The following FSTL5 variants were observed in gnomAD, a reference collection of about 807,000 sequenced individuals.
FSTL5 encodes follistatin like 5, also known as follistatin-related protein 5.
In FSTL5, 62 loss-of-function variants were observed where a neutral mutation model predicts 89.1. That is an observed-to-expected ratio of 0.70 (90% CI 0.57 to 0.86). The LOEUF is 0.86. Among genes scored for constraint, FSTL5 ranks in the 40% least tolerant of loss-of-function variants. The probability of loss-of-function intolerance (pLI) is 0.00; values close to 1 mark genes in which losing one functional copy is unlikely to be tolerated. For synonymous variants in FSTL5, 383 were observed against 346.2 expected, an observed-to-expected ratio of 1.11 and a Z score of -1.18; for missense variants, 1,057 against 1,001.6, an observed-to-expected ratio of 1.06 and a Z score of -0.75.
chr4:161,987,968 AACTT>A (rs3053523), intron 3 of FSTL5, among the ~76,000 whole-genome samples: 77,969 of 150,832 alleles, frequency 0.52, 20,359 homozygotes, highest in Middle Eastern at 0.61. Context: ...GAGGTAAAGA[AACTT>A]ACTTTATTTC....
chr4:161,430,557 G>T (rs369490899), intron 15 of FSTL5, among the ~76,000 whole-genome samples: 2 of 152,094 alleles, frequency 1.3e-5, no homozygotes, highest in South Asian at 4.2e-4. Context: ...TGGCTAACAC[G>T]GTGAAACCCC....
chr4:161,950,436 C>A (rs1015402312), intron 3 of FSTL5, among the ~76,000 whole-genome samples: 2 of 152,148 alleles, frequency 1.3e-5, no homozygotes, highest in African/African-American at 4.8e-5. Flanking sequence ...CTTAAAAAGA[C>A]TTAGGAAAAT....
At chr4:161,548,431 C>T (rs550290441) in intron 8 of FSTL5, among the ~76,000 whole-genome samples, 3 of 151,710 alleles carry the variant, frequency 2.0e-5, no homozygotes, top group East Asian at 3.9e-4. Context: ...ACACAAAGTT[C>T]GTTAAAGGAA....
intron 7 of FSTL5, among the ~76,000 whole-genome samples, chr4:161,653,047 A>G (rs1007123070): frequency 6.6e-6 from 1 of 152,200 alleles, no homozygotes; most frequent in Non-Finnish European, 1.5e-5. Flanking sequence ...GGAATTATAG[A>G]CATTTCTTAA....
Position 161,531,184 on chromosome 4 carries a change from T to C in FSTL5, c.1312+6982A>G, listed in dbSNP as rs78240510. Among the ~76,000 whole-genome samples the C allele has an allele frequency of 4.2e-3, 643 of 152,324 alleles. 5 individuals carry two copies. The highest frequency in any genetic ancestry group is 7.5e-3 in the Non-Finnish European group (509 of 68,012). ...TCTCACATGAGAAAACTTCCAGTGA[T>C]ATTTGTTGACAAAGTTAGACACTGT... On this transcript the variant is annotated intron_variant, in intron 10 of 15. Transcript: ENST00000306100.
At position 162,011,370 on chromosome 4, in the gene FSTL5, T is replaced by C. The variant is rs536142047; in HGVS notation, c.160+22255A>G. Among the ~76,000 whole-genome samples, 17 of 152,274 alleles carry C rather than the reference T, an allele frequency of 1.1e-4. No individual in the cohort carries two copies. In the South Asian group the frequency reaches 3.5e-3, roughly 32 times the overall value. On this transcript the variant is annotated intron_variant, in intron 3 of 15. Transcript: ENST00000306100. ...TTCCCAAAGCAAAAACCAGAGCATA[T>C]GGTTTAACATATGGGCTAACAGTAA... is the stretch of plus-strand genomic sequence containing the variant.
At position 161,459,261 on chromosome 4, in the gene FSTL5, A is replaced by G; in HGVS notation, c.1667T>C (p.Val556Ala). ...KLHYDKSHDQVWVLSWGTLEK... is the reference protein window; with the variant it reads ...KLHYDKSHDQAWVLSWGTLEK... ...CAAGGTACCCCAGCTTAGCACCCAG[A>G]CCTGATCATGTGATTTGTCATAGTG... Residue 556 changes from valine (V) to alanine (A), a missense_variant, in exon 14 of 16, where the codon GTC becomes GCC. Coordinates refer to ENST00000306100, the MANE Select transcript of FSTL5 (RefSeq NM_020116.5). The G allele has an allele frequency of 1.2e-6, 2 of 1,613,544 alleles. No individual in the cohort carries two copies. The highest frequency in any genetic ancestry group is 3.3e-4 in the Middle Eastern group (2 of 6,058).
intron 4 of FSTL5, among the ~76,000 whole-genome samples, chr4:161,856,679 A>T (rs200109137): frequency 6.6e-5 from 9 of 135,882 alleles, no homozygotes; most frequent in Non-Finnish European, 1.3e-4. Flanking sequence ...TATATATATA[A>T]ATATGTATAT....
chr4:161,483,620 T>C (rs1438158315), intron 12 of FSTL5, among the ~76,000 whole-genome samples: 2 of 152,210 alleles, frequency 1.3e-5, no homozygotes, highest in Non-Finnish European at 2.9e-5. Context: ...CTATTATTTC[T>C]GATTATATTA....
At chr4:161,566,114 A>T (rs1183134183) in intron 8 of FSTL5, among the ~76,000 whole-genome samples, 1 of 50,138 alleles carries the variant, frequency 2.0e-5, no homozygotes, top group Non-Finnish European at 4.4e-5. Context: ...ATATATATAT[A>T]TATATATATA....
At chr4:162,011,419 T>C (rs1299171499) in intron 3 of FSTL5, among the ~76,000 whole-genome samples, 3 of 152,142 alleles carry the variant, frequency 2.0e-5, no homozygotes, top group African/African-American at 4.8e-5. Flanking sequence ...TTTCTTAAAA[T>C]TGGAAGACAT....
At chr4:161,566,059 C>CA (rs1270490067) in intron 8 of FSTL5, among the ~76,000 whole-genome samples, 3 of 132,662 alleles carry the variant, frequency 2.3e-5, no homozygotes, top group Non-Finnish European at 4.7e-5. Context: ...CTTTTCACTG[C>CA]ATTTGTGCCA....
chr4:161,969,416 T>C, intron 3 of FSTL5, among the ~76,000 whole-genome samples: 1 of 152,108 alleles, frequency 6.6e-6, no homozygotes, highest in Admixed American at 6.6e-5. Context: ...GATCTATCTA[T>C]AGAACCATGT....
chr4:161,996,624 G>C (rs902581501), intron 3 of FSTL5, among the ~76,000 whole-genome samples: 2 of 152,160 alleles, frequency 1.3e-5, no homozygotes, highest in African/African-American at 4.8e-5. Flanking sequence ...AATAGCCTTT[G>C]CCTACAGCCT....
rs560076414 is a variant in FSTL5 at position 161,529,567 on chromosome 4, T to C, written c.1312+8599A>G. On this transcript the variant is annotated intron_variant, in intron 10 of 15. Coordinates refer to ENST00000306100, the MANE Select transcript of FSTL5 (RefSeq NM_020116.5). ...AAATATTAAACAAGTAATTTGGGGC[T>C]TTTCAAAAAGAAATACAAATTGTTA... Among the ~76,000 whole-genome samples the C allele has an allele frequency of 2.8e-5, 4 of 142,674 alleles. 1 individual carries two copies. The highest frequency in any genetic ancestry group is 4.8e-4 in the East Asian group (2 of 4,192). 93.6% of individuals were successfully genotyped at this position (142,674 alleles called of 152,430 possible). A position where few individuals can be genotyped will look rare whatever the true frequency, so the allele number is the denominator to read the frequency against.
At chr4:161,913,408 G>A (rs1339569098) in intron 4 of FSTL5, among the ~76,000 whole-genome samples, 1 of 152,166 alleles carries the variant, frequency 6.6e-6, no homozygotes, top group Non-Finnish European at 1.5e-5. Flanking sequence ...ATGGCTGAAA[G>A]GGGCCAAGAT....
At chr4:161,488,347 T>C (rs1578872506) in intron 12 of FSTL5, among the ~76,000 whole-genome samples, 2 of 152,238 alleles carry the variant, frequency 1.3e-5, no homozygotes, top group South Asian at 2.1e-4. Flanking sequence ...TTAGGTAGCA[T>C]GGTTTTGCTT....
At chr4:161,766,237 T>C (rs1365703639) in intron 5 of FSTL5, among the ~76,000 whole-genome samples, 1 of 152,104 alleles carries the variant, frequency 6.6e-6, no homozygotes, top group Non-Finnish European at 1.5e-5. Flanking sequence ...ATTCTATGAG[T>C]GTTATTTTAT....
intron 7 of FSTL5, among the ~76,000 whole-genome samples, chr4:161,614,125 T>C (rs1332697179): frequency 2.0e-4 from 31 of 152,164 alleles, no homozygotes; most frequent in Admixed American, 1.9e-3. Context: ...TGCAGTTTTA[T>C]CTTGGACAGT....
Sources: allele counts gnomAD v4.1 joint callset (sites outside exome capture counted in the v4.1 genomes callset), GRCh38; gene constraint gnomAD v4.1.1; transcripts MANE v1.5; gene names NCBI Gene and HGNC (gene_info 2026-07-23, HGNC 2026-07-21).